Variants in CCDC61 observed in about 807,000 individuals in gnomAD.
CCDC61 encodes centrosomal protein CCDC61.
In CCDC61, 55 loss-of-function variants were observed where a neutral mutation model predicts 63.0. That is an observed-to-expected ratio of 0.87 (90% confidence interval 0.70 to 1.09). The LOEUF (loss-of-function observed/expected upper bound fraction) is 1.09, where lower values mean the gene tolerates loss of function less well. Among genes scored for constraint, CCDC61 ranks in the 50% least tolerant of loss-of-function variants. The pLI is 0.00. For synonymous variants in CCDC61, 270 were observed against 317.0 expected (o/e 0.85, Z 1.58); for missense variants, 651 against 731.4 (o/e 0.89, Z 1.27).
In CCDC61 at chr19:46,015,478, T is replaced by C; in HGVS notation, c.845+51T>C. 8.8e-7 allele frequency: 1 copy of C among 1,130,418 alleles called. No homozygotes were observed. The allele number at this position is 1,130,418 out of a possible 1,614,324, so 70.0% of individuals were successfully genotyped here. A position where few individuals can be genotyped will look rare whatever the true frequency, so the allele number is the denominator to read the frequency against. On this transcript the variant is annotated intron_variant, in intron 7 of 13. Transcript: ENST00000595358. The surrounding 1 kb of genome is among the most constrained non-coding windows in gnomAD (Gnocchi z 5.3). ...TGGGCGGATGGGCGGGCCCTGAGGG[T>C]GTGGAGGCTGATGAGGCGGAGCCTA...
In CCDC61 at chr19:46,016,157, T is replaced by C; in HGVS notation, c.949T>C (p.Ser317Pro). 7.7e-7 allele frequency: 1 copy of C among 1,294,900 alleles called. No individual in the cohort carries two copies. Among genetic ancestry groups the C allele is most frequent in the East Asian group, 3.1e-5 (1 of 31,934 alleles). The allele number at this position is 1,294,900 out of a possible 1,614,324, so 80.2% of individuals were successfully genotyped here. ...SRGRGAARSSSRESGRGSRGR... is the reference protein window; with the variant it reads ...SRGRGAARSSPRESGRGSRGR... Reference sequence around the variant, plus strand: ...AGGCCGCGGCGCCGCGCGCTCCTCATCCCGGGAGAGCGGCCGCGGGAGCCG... The same window carrying C: ...AGGCCGCGGCGCCGCGCGCTCCTCACCCCGGGAGAGCGGCCGCGGGAGCCG... Residue 317 changes from serine (S) to proline (P), a missense_variant, in exon 8 of 14, where the codon TCC (serine) becomes CCC (proline). Ser to Pro is a moderately conservative substitution (Grantham distance 74). Transcript: ENST00000595358. The surrounding 1 kb of genome is among the most constrained non-coding windows in gnomAD (Gnocchi z 7.2).
At chr19:46,014,964 G>A in intron 5 of CCDC61, 85 bp from the exon 6 acceptor site, 1 of 1,225,466 alleles carries the variant, frequency 8.2e-7, no homozygotes. Context: ...CCGGGGAGGT[G>A]AAATGATGAG....
rs187359489 is a variant in CCDC61, at chr19:46,003,371, G to T, written c.149-48G>T. On this transcript the variant is annotated intron_variant, in intron 2 of 13. Coordinates refer to ENST00000595358, the MANE Select transcript of CCDC61 (RefSeq NM_001267723.2). ...GCAGAGCTTAGGTGCATTGCCCTGG[G>T]GCTGGGCAAGCGGTCAGACCTCAGG... 164 of 1,564,316 alleles carry T rather than the reference G, an allele frequency of 1.0e-4. No individual in the cohort carries two copies. In the African/African-American group the frequency reaches 2.0e-3, roughly 19 times the overall value.
Position 46,015,172 on chromosome 19 carries a change from G to A in CCDC61, c.675G>A (p.Gly225=), listed in dbSNP as rs2146485011. The A allele has an allele frequency of 7.9e-7, 1 of 1,272,882 alleles. No individual in the cohort carries two copies. The highest frequency in any genetic ancestry group is 2.7e-5 in the South Asian group (1 of 36,366). 78.8% of individuals were successfully genotyped at this position (1,272,882 alleles called of 1,614,324 possible). Residue 225 remains glycine (G), a synonymous_variant, in exon 6 of 14, where the codon GGG becomes GGA. Transcript: ENST00000595358. The surrounding 1 kb of genome is among the most constrained non-coding windows in gnomAD (Gnocchi z 5.3). ...EAEALRGLVR[G]LELELRQERG... is the part of the protein sequence containing the mutation. ...AGGCGCTGCGCGGGCTGGTGCGCGG[G>A]CTGGAGCTGGAGCTGCGGCAGGAGC... is the stretch of plus-strand genomic sequence containing the variant.
intron 5 of CCDC61, among the ~76,000 whole-genome samples, chr19:46,012,475 G>A (rs1968845935): frequency 6.6e-6 from 1 of 152,088 alleles, no homozygotes; most frequent in Admixed American, 6.5e-5. Flanking sequence ...ATGAAACCCT[G>A]TCTCTACTAA....
chr19:45,998,843 T>C (rs962120736), intron 1 of CCDC61, among the ~76,000 whole-genome samples: 1 of 152,184 alleles, frequency 6.6e-6, no homozygotes, highest in Non-Finnish European at 1.5e-5. Context: ...GCAAGTACTT[T>C]GCCCAAGGAC....
intron 3 of CCDC61, among the ~76,000 whole-genome samples, chr19:46,005,333 G>A (rs1600644485): frequency 6.6e-6 from 1 of 152,148 alleles, no homozygotes; most frequent in African/African-American, 2.4e-5. Flanking sequence ...GTTTCTTAAA[G>A]GTTAGTTGCA....
chr19:46,004,907 C>T (rs987630289), intron 3 of CCDC61, among the ~76,000 whole-genome samples: 1 of 140,570 alleles, frequency 7.1e-6, no homozygotes, highest in South Asian at 2.3e-4. Flanking sequence ...GGCACAGTCT[C>T]AGCTCACTGC....
intron 1 of CCDC61, among the ~76,000 whole-genome samples, chr19:45,995,990 C>T (rs770802000): frequency 2.0e-5 from 3 of 152,156 alleles, no homozygotes; most frequent in Non-Finnish European, 4.4e-5. Context: ...ATGTGCTGTG[C>T]ACCTGCCAAG....
Position 46,016,277 on chromosome 19 carries a change from C to G in CCDC61, c.1016-41C>G. 3 of 1,609,654 alleles carry G rather than the reference C, an allele frequency of 1.9e-6. No homozygotes were observed. The highest frequency in any genetic ancestry group is 2.5e-6 in the Non-Finnish European group (3 of 1,177,756). On this transcript the variant is annotated intron_variant, in intron 8 of 13. Transcript: ENST00000595358. The surrounding 1 kb of genome is among the most constrained non-coding windows in gnomAD (Gnocchi z 7.2). ...GGGACGCACTGGCGCTGCCAAGGCCCGTCTCCGGACCTAGCCGCCTCCTCT... is the reference window on the plus strand; with the variant it reads ...GGGACGCACTGGCGCTGCCAAGGCCGGTCTCCGGACCTAGCCGCCTCCTCT...
chr19:46,016,934 G>A lies in CCDC61; in HGVS notation c.1232-57G>A. On this transcript the variant is annotated intron_variant, in intron 10 of 13. Transcript: ENST00000595358. The surrounding 1 kb of genome is among the most constrained non-coding windows in gnomAD (Gnocchi z 7.2). ...AGGGCGGGCGGGCTGGGAGGGCCTG[G>A]GAAGCACTGGGCGGGGCCAGCGAGG... 6.5e-7 allele frequency: 1 copy of A among 1,549,988 alleles called. No homozygotes were observed. The highest frequency in any genetic ancestry group is 8.7e-7 in the Non-Finnish European group (1 of 1,147,254).
Position 46,015,315 on chromosome 19 carries a change from G to A in CCDC61, c.763-30G>A. On this transcript the variant is annotated intron_variant, in intron 6 of 13. Coordinates refer to ENST00000595358, the MANE Select transcript of CCDC61 (RefSeq NM_001267723.2). The surrounding 1 kb of genome is among the most constrained non-coding windows in gnomAD (Gnocchi z 5.3). Reference sequence around the variant, plus strand: ...AGGCGCGGACCTCGGCCTCAGCCTGGACCTCCGCGCCCCTCTCCCCTCCCG... The same window carrying A: ...AGGCGCGGACCTCGGCCTCAGCCTGAACCTCCGCGCCCCTCTCCCCTCCCG... 6.3e-7 allele frequency: 1 copy of A among 1,588,036 alleles called. No homozygotes were observed. Among genetic ancestry groups the A allele is most frequent in the Non-Finnish European group, 8.5e-7 (1 of 1,174,066 alleles).
rs772116307 is a variant in CCDC61 at position 46,016,763 on chromosome 19, G to T, written c.1161G>T (p.Gln387His). The T allele has an allele frequency of 1.5e-5, 24 of 1,584,114 alleles. No individual in the cohort carries two copies. The East Asian group carries it at 5.3e-4, about 35-fold the overall frequency. ...GTCCGTCCGTCTCCTGGTCTCGCCA[G>T]ACCCAGCCCCCTGCTGCCTTGACTG... ...GDGPSVSWSR[Q>H]TQPPAALTGR... The change falls in exon 10 of 14, where the codon CAG (glutamine) becomes CAT (histidine). Residue 387 changes from glutamine to histidine, a missense_variant. By Grantham distance (24) the Gln-to-His change is conservative (BLOSUM62 0). Coordinates refer to ENST00000595358, the MANE Select transcript of CCDC61 (RefSeq NM_001267723.2). The surrounding 1 kb of genome is among the most constrained non-coding windows in gnomAD (Gnocchi z 7.2).
rs1449743165 is a variant in CCDC61, at chr19:46,003,413, A to T, written c.149-6A>T. 4 of 1,611,956 alleles carry T rather than the reference A, an allele frequency of 2.5e-6. No homozygotes were observed. In the African/African-American group the frequency reaches 5.4e-5, roughly 22 times the overall value. The stretch of plus-strand genomic sequence containing the variant: ...GACCTCAGGAGAGACTTTTCTCCCC[A>T]CCCAGTCATTGAAGATTTGACTCAC... On this transcript the variant is annotated splice_polypyrimidine_tract_variant and splice_region_variant and intron_variant, in intron 2 of 13. Transcript: ENST00000595358.
chr19:46,015,159 G>C lies in CCDC61; in HGVS notation c.662G>C (p.Gly221Ala). ...AARQEAEALR[G>A]LVRGLELELR... The stretch of plus-strand genomic sequence containing the variant: ...CGCCAGGAGGCCGAGGCGCTGCGCG[G>C]GCTGGTGCGCGGGCTGGAGCTGGAG... The change falls in exon 6 of 14, where the codon GGG (glycine) becomes GCG (alanine). Residue 221 changes from glycine to alanine, a missense_variant. Coordinates refer to ENST00000595358, the MANE Select transcript of CCDC61 (RefSeq NM_001267723.2). This position sits in a 1 kb window ranked among gnomAD's most constrained non-coding sequence, Gnocchi z 5.3. The C allele has an allele frequency of 7.9e-7, 1 of 1,266,336 alleles. No homozygotes were observed. Among genetic ancestry groups the C allele is most frequent in the Non-Finnish European group, 9.9e-7 (1 of 1,010,474 alleles). The allele number at this position is 1,266,336 out of a possible 1,614,324, so 78.4% of individuals were successfully genotyped here. A position where few individuals can be genotyped will look rare whatever the true frequency, so the allele number is the denominator to read the frequency against.
chr19:46,016,663 A>G lies in CCDC61; in HGVS notation c.1092-31A>G, dbSNP rs1410803029. 6.2e-7 allele frequency: 1 copy of G among 1,610,114 alleles called. No homozygotes were observed. Among genetic ancestry groups the G allele is most frequent in the Non-Finnish European group, 8.5e-7 (1 of 1,178,566 alleles). The stretch of plus-strand genomic sequence containing the variant: ...CCCCTTGCCTGCAGGAGTTGGGCGT[A>G]CAGACCGGCGTCTCCTTTCTTTTTT... On this transcript the variant is annotated intron_variant, in intron 9 of 13. Transcript: ENST00000595358. This position sits in a 1 kb window ranked among gnomAD's most constrained non-coding sequence, Gnocchi z 7.2.
intron 5 of CCDC61, among the ~76,000 whole-genome samples, chr19:46,013,121 C>T (rs112722639): frequency 0.11 from 16,932 of 152,112 alleles, 1,070 homozygotes; most frequent in South Asian, 0.19. Flanking sequence ...TGGGCTCAAG[C>T]GATTCTCCTG....
chr19:46,013,820 C>T (rs934414782), intron 5 of CCDC61, among the ~76,000 whole-genome samples: 3 of 150,956 alleles, frequency 2.0e-5, no homozygotes, highest in Non-Finnish European at 2.9e-5. Flanking sequence ...GAGCCAAGAT[C>T]GTGCCACTGC....
intron 5 of CCDC61, among the ~76,000 whole-genome samples, chr19:46,014,419 C>G (rs1166103697): frequency 6.6e-6 from 1 of 152,236 alleles, no homozygotes; most frequent in African/African-American, 2.4e-5. Context: ...TCACAGCAGT[C>G]ACTCGGTGAC....
Sources: allele counts gnomAD v4.1 joint callset (sites outside exome capture counted in the v4.1 genomes callset), GRCh38; gene constraint gnomAD v4.1.1; non-coding constraint Gnocchi (gnomAD v3.1); transcripts MANE v1.5; gene names NCBI Gene and HGNC (gene_info 2026-07-23, HGNC 2026-07-21).